Variants in PTPRT observed in about 807,000 individuals in gnomAD.
PTPRT encodes protein tyrosine phosphatase receptor type T.
Under a neutral mutation model 176.8 loss-of-function variants are expected in PTPRT, and 56 were observed. The ratio of observed to expected loss-of-function variants is 0.32; its 90% CI spans 0.26 to 0.40. The LOEUF (loss-of-function observed/expected upper bound fraction) is 0.40, where lower values mean the gene tolerates loss of function less well. Ranked by LOEUF, PTPRT falls within the 10% of genes least tolerant of loss-of-function variation. The pLI, the probability that PTPRT is intolerant of heterozygous loss-of-function variation, is 1.00. For missense variants in PTPRT, 1,540 were observed against 1,908.2 expected (o/e 0.81, Z 3.60); for synonymous variants, 783 against 739.0 (o/e 1.06, Z -0.96).
At chr20:42,274,431 T>A (rs1309138718) in intron 13 of PTPRT, among the ~76,000 whole-genome samples, 2 of 152,196 alleles carry the variant, frequency 1.3e-5, no homozygotes, top group African/African-American at 2.4e-5. Context: ...ATCCAGTTGC[T>A]GAGGTAGAGG....
intron 1 of PTPRT, among the ~76,000 whole-genome samples, chr20:42,901,910 A>G (rs1439238656): frequency 2.0e-5 from 3 of 152,222 alleles, no homozygotes; most frequent in African/African-American, 7.2e-5. Flanking sequence ...TTATTTGCCT[A>G]CATATCATCT....
intron 6 of PTPRT, among the ~76,000 whole-genome samples, chr20:42,684,344 C>CAA (rs981825636): frequency 1.5e-5 from 2 of 136,416 alleles, no homozygotes; most frequent in African/African-American, 2.7e-5. Context: ...GACTCTGTCT[C>CAA]AAAAAAAAAA....
intron 9 of PTPRT, among the ~76,000 whole-genome samples, chr20:42,368,676 T>C (rs749861908): frequency 2.6e-5 from 4 of 152,226 alleles, no homozygotes; most frequent in Non-Finnish European, 5.9e-5. Context: ...GTGTTTCATG[T>C]AGGAGGTGGA....
intron 1 of PTPRT, among the ~76,000 whole-genome samples, chr20:43,127,726 C>G (rs2013500182): frequency 6.6e-6 from 1 of 152,150 alleles, no homozygotes; most frequent in Non-Finnish European, 1.5e-5. Flanking sequence ...ATGTCCTTCT[C>G]CACCTGGGCA....
chr20:42,643,137 G>A (rs541458553), intron 7 of PTPRT, among the ~76,000 whole-genome samples: 9 of 152,016 alleles, frequency 5.9e-5, no homozygotes, highest in African/African-American at 1.4e-4. Flanking sequence ...GTATTGTTAC[G>A]CAGCATTATT....
intron 17 of PTPRT, among the ~76,000 whole-genome samples, chr20:42,148,024 A>G (rs976707451): frequency 6.6e-6 from 1 of 152,142 alleles, no homozygotes; most frequent in African/African-American, 2.4e-5. Flanking sequence ...TAAGGGCATT[A>G]TTTTTCCATT....
chr20:42,890,777 C>A (rs2079179039), intron 1 of PTPRT, among the ~76,000 whole-genome samples: 2 of 152,120 alleles, frequency 1.3e-5, no homozygotes, highest in African/African-American at 4.8e-5. Context: ...CCAGAGAGTC[C>A]CTGATACAGT....
intron 7 of PTPRT, among the ~76,000 whole-genome samples, chr20:42,610,672 G>A (rs2073960904): frequency 1.3e-5 from 2 of 151,978 alleles, no homozygotes; most frequent in South Asian, 4.2e-4. Flanking sequence ...TTGTTGTTGT[G>A]GGGGATAACA....
chr20:43,029,056 G>A (rs1194910044), intron 1 of PTPRT, among the ~76,000 whole-genome samples: 1 of 152,198 alleles, frequency 6.6e-6, no homozygotes, highest in African/African-American at 2.4e-5. Context: ...CCTCCTCTCA[G>A]CTGCCTGCCC....
Position 42,085,772 on chromosome 20 carries a change from C to T in PTPRT, c.3928G>A (p.Glu1310Lys). The T allele has an allele frequency of 1.9e-6, 3 of 1,614,070 alleles. No individual in the cohort carries two copies. Among genetic ancestry groups the T allele is most frequent in the East Asian group, 2.2e-5 (1 of 44,870 alleles). ...CGGAATATTCTGTGGATGATGTCCTCGTCGATGTCTGCGGAGACGAACTCC... is the reference window on the plus strand; with the variant it reads ...CGGAATATTCTGTGGATGATGTCCTTGTCGATGTCTGCGGAGACGAACTCC... ...QVEFVSADID[E>K]DIIHRIFRIC... Residue 1310 changes from glutamate (E) to lysine (K), a missense_variant, in exon 28 of 31, where the codon GAG becomes AAG. Physicochemically the swap from Glu to Lys is moderately conservative, Grantham distance 56. Coordinates refer to ENST00000373187, the MANE Select transcript of PTPRT (RefSeq NM_007050.6).
intron 13 of PTPRT, among the ~76,000 whole-genome samples, chr20:42,265,746 G>A (rs558791267): frequency 6.6e-6 from 1 of 152,166 alleles, no homozygotes; most frequent in Non-Finnish European, 1.5e-5. Flanking sequence ...GCCTCAGGGT[G>A]TCCAAGCTCA....
chr20:43,003,113 A>AAT (rs1482270320), intron 1 of PTPRT, among the ~76,000 whole-genome samples: 2 of 152,136 alleles, frequency 1.3e-5, no homozygotes, highest in South Asian at 2.1e-4. Context: ...ATAAAATTAT[A>AAT]ATATATATAT....
At chr20:42,304,625 A>G (rs1243459391) in intron 12 of PTPRT, among the ~76,000 whole-genome samples, 1 of 152,196 alleles carries the variant, frequency 6.6e-6, no homozygotes, top group Non-Finnish European at 1.5e-5. Flanking sequence ...TGCTGAGGTG[A>G]AACAAACTTG....
At chr20:42,188,993 A>G (rs538263769) in intron 16 of PTPRT, among the ~76,000 whole-genome samples, 16 of 152,346 alleles carry the variant, frequency 1.1e-4, no homozygotes, top group African/African-American at 3.6e-4. Flanking sequence ...GCTGGGTTCC[A>G]AAATCACACA....
chr20:42,336,448 G>T (rs969471452), intron 11 of PTPRT, among the ~76,000 whole-genome samples: 11 of 152,122 alleles, frequency 7.2e-5, no homozygotes, highest in African/African-American at 2.7e-4. Context: ...GGTTGTAAAT[G>T]GTGGTGTTGG....
At chr20:42,567,130 G>A (rs559803285) in intron 7 of PTPRT, among the ~76,000 whole-genome samples, 125 of 151,974 alleles carry the variant, frequency 8.2e-4, no homozygotes, top group Non-Finnish European at 1.4e-3. Flanking sequence ...AAAATTAGCC[G>A]GGCATGGTGG....
At chr20:42,180,209 G>A (rs1489072460) in intron 16 of PTPRT, among the ~76,000 whole-genome samples, 1 of 152,130 alleles carries the variant, frequency 6.6e-6, no homozygotes, top group Non-Finnish European at 1.5e-5. Flanking sequence ...AAATTTAGAG[G>A]AGAAGTCCAT....
At chr20:42,101,638 C>A (rs570790265) in intron 26 of PTPRT, among the ~76,000 whole-genome samples, 1 of 152,294 alleles carries the variant, frequency 6.6e-6, no homozygotes, top group African/African-American at 2.4e-5. Flanking sequence ...TCCCAATAAC[C>A]ATTTACTGAG....
chr20:42,522,978 G>T (rs562434183), intron 7 of PTPRT, among the ~76,000 whole-genome samples: 2 of 152,136 alleles, frequency 1.3e-5, no homozygotes, highest in South Asian at 4.2e-4. Context: ...TGTCACTGTT[G>T]TCTCTGTGCT....
Sources: gnomAD v4.1 joint callset for allele counts (sites outside exome capture counted in the v4.1 genomes callset) on GRCh38, gnomAD v4.1.1 for gene constraint, MANE v1.5 for transcripts, NCBI Gene and HGNC (gene_info 2026-07-23, HGNC 2026-07-21) for gene names.